The following STRIP2 variants were observed in gnomAD, a reference collection of about 807,000 sequenced individuals.
STRIP2 encodes striatin-interacting protein 2.
A neutral mutation model predicts 107.1 loss-of-function variants in STRIP2; 84 were observed. That is an observed-to-expected ratio of 0.78 (90% CI 0.66 to 0.94). STRIP2 has a LOEUF of 0.94. Ranked by LOEUF, STRIP2 falls within the 40% of genes least tolerant of loss-of-function variation. The pLI, the probability that STRIP2 is intolerant of heterozygous loss-of-function variation, is 0.00. For missense variants in STRIP2, 888 were observed against 1,034.2 expected, an observed-to-expected ratio of 0.86 and a Z score of 1.94; for synonymous variants, 394 against 400.4, an observed-to-expected ratio of 0.98 and a Z score of 0.19.
chr7:129,454,155 T>G lies in STRIP2; in HGVS notation c.544T>G (p.Cys182Gly), dbSNP rs749690321. ...LHMEIDNSQA[C>G]SSALRKPAVS... Reference sequence around the variant, plus strand: ...CTCCCCTGGCAGCAACAGCCAGGCCTGTAGCAGTGCCCTTCGGAAACCAGC... The same window carrying G: ...CTCCCCTGGCAGCAACAGCCAGGCCGGTAGCAGTGCCCTTCGGAAACCAGC... Residue 182 changes from cysteine to glycine, a missense_variant, in exon 6 of 21, where the codon TGT (cysteine) becomes GGT (glycine). Transcript: ENST00000249344. The G allele has an allele frequency of 6.2e-7, 1 of 1,614,154 alleles. No individual in the cohort carries two copies. Among genetic ancestry groups the G allele is most frequent in the South Asian group, 1.1e-5 (1 of 91,088 alleles).
At chr7:129,479,960 A>T (rs1799076008) in intron 18 of STRIP2, among the ~76,000 whole-genome samples, 1 of 152,098 alleles carries the variant, frequency 6.6e-6, no homozygotes, top group Non-Finnish European at 1.5e-5. Flanking sequence ...TTTTCCATTC[A>T]CCAGACAGCA....
intron 5 of STRIP2, 114 bp downstream of exon 5, chr7:129,453,461 T>C: frequency 7.5e-7 from 1 of 1,335,588 alleles, no homozygotes. Flanking sequence ...CTGGGTCTAC[T>C]CACACCTCAG....
intron 2 of STRIP2, among the ~76,000 whole-genome samples, chr7:129,440,681 A>C (rs898610395): frequency 8.6e-5 from 13 of 152,002 alleles, no homozygotes; most frequent in Non-Finnish European, 2.9e-5. Flanking sequence ...AAGTAATTCC[A>C]TTCTTCTTTC....
rs557002792 is a variant in STRIP2 at position 129,438,663 on chromosome 7, C to T, written c.130-1359C>T. Among the ~76,000 whole-genome samples, 3 of 152,292 alleles carry T rather than the reference C, an allele frequency of 2.0e-5. No individual in the cohort carries two copies. In the South Asian group the frequency reaches 6.2e-4, roughly 32 times the overall value. ...TTAGCACAGACCCCCAAGTTAAGGG[C>T]TCAGTCCTACAAGGCCCTACGTTAG... is the stretch of plus-strand genomic sequence containing the variant. On this transcript the variant is annotated intron_variant, in intron 1 of 20. Coordinates refer to ENST00000249344, the MANE Select transcript of STRIP2 (RefSeq NM_020704.3).
At chr7:129,435,356 G>A (rs1797706528) in intron 1 of STRIP2, among the ~76,000 whole-genome samples, 1 of 152,212 alleles carries the variant, frequency 6.6e-6, no homozygotes, top group Non-Finnish European at 1.5e-5. Flanking sequence ...CCCTCATTGA[G>A]GCAGTTCCCA....
chr7:129,460,434 C>T (rs770239431), intron 13 of STRIP2, 62 bp downstream of exon 13: 29 of 1,402,400 alleles, frequency 2.1e-5, no homozygotes, highest in Non-Finnish European at 2.8e-5. Flanking sequence ...AGTGTTGTCA[C>T]AGAGCATGTG....
At chr7:129,474,326 A>T (rs544846223) in intron 18 of STRIP2, among the ~76,000 whole-genome samples, 21 of 152,040 alleles carry the variant, frequency 1.4e-4, no homozygotes, top group African/African-American at 2.7e-4. Context: ...TTAAAAAAAA[A>T]TTTTTTTAGA....
chr7:129,471,800 T>C (rs903384587), intron 18 of STRIP2, among the ~76,000 whole-genome samples: 1 of 152,158 alleles, frequency 6.6e-6, no homozygotes, highest in African/African-American at 2.4e-5. Context: ...AAAAGACCCA[T>C]GTCCTGAGAC....
intron 13 of STRIP2, chr7:129,460,586 C>A (rs1798505453): frequency 5.5e-6 from 3 of 548,556 alleles, no homozygotes; most frequent in East Asian, 3.1e-5. Flanking sequence ...ATGGTAAATA[C>A]AATGAAGAAA....
chr7:129,454,913 TA>T (rs1317144383), intron 7 of STRIP2, among the ~76,000 whole-genome samples: 1 of 152,260 alleles, frequency 6.6e-6, no homozygotes, highest in Non-Finnish European at 1.5e-5. Context: ...TATGGGATTT[TA>T]AAAATATATT....
At chr7:129,477,634 C>T (rs151173476) in intron 18 of STRIP2, among the ~76,000 whole-genome samples, 100 of 152,290 alleles carry the variant, frequency 6.6e-4, no homozygotes, top group Admixed American at 1.2e-3. Flanking sequence ...AACCATTACT[C>T]TCTTTTAAGC....
intron 18 of STRIP2, among the ~76,000 whole-genome samples, chr7:129,475,583 T>TA (rs2151014928): frequency 6.9e-6 from 1 of 144,954 alleles, no homozygotes; most frequent in Non-Finnish European, 1.5e-5. Flanking sequence ...TATTTTTTTT[T>TA]ATTGATCATT....
intron 3 of STRIP2, among the ~76,000 whole-genome samples, chr7:129,448,406 A>G (rs1402726048): frequency 1.3e-5 from 2 of 152,064 alleles, no homozygotes; most frequent in African/African-American, 4.8e-5. Flanking sequence ...TCACTGCATA[A>G]ATTGTTGGTA....
chr7:129,484,098 G>A (rs981938925), intron 20 of STRIP2, among the ~76,000 whole-genome samples: 2 of 152,098 alleles, frequency 1.3e-5, no homozygotes, highest in Admixed American at 6.6e-5. Flanking sequence ...GAAGAACTAG[G>A]CCAGTTGTCC....
Position 129,460,434 on chromosome 7 carries a change from C to G in STRIP2, c.1476+62C>G, listed in dbSNP as rs770239431. On this transcript the variant is annotated intron_variant, in intron 13 of 20. Transcript: ENST00000249344. ...AGAAAACCTGTCTTCAGTGTTGTCACAGAGCATGTGTGCATGCATTCATTC... is the reference window on the plus strand; with the variant it reads ...AGAAAACCTGTCTTCAGTGTTGTCAGAGAGCATGTGTGCATGCATTCATTC... The G allele has an allele frequency of 2.9e-6, 4 of 1,402,400 alleles. No individual in the cohort carries two copies. The African/African-American group carries it at 5.7e-5, about 20-fold the overall frequency. 86.9% of individuals were successfully genotyped at this position (1,402,400 alleles called of 1,614,324 possible). A position where few individuals can be genotyped will look rare whatever the true frequency, so the allele number is the denominator to read the frequency against.
chr7:129,474,530 CTT>C (rs200851618), intron 18 of STRIP2, among the ~76,000 whole-genome samples: 2 of 150,960 alleles, frequency 1.3e-5, no homozygotes, highest in African/African-American at 4.9e-5. Context: ...CTGAAGTAGT[CTT>C]TTTTTTTGAG....
In STRIP2 at chr7:129,454,433, T is replaced by C. The variant is rs1293042059; in HGVS notation, c.612T>C (p.Ser204=). The C allele has an allele frequency of 6.2e-7, 1 of 1,613,290 alleles. No individual in the cohort carries two copies. The highest frequency in any genetic ancestry group is 1.1e-5 in the South Asian group (1 of 91,056). The change falls in exon 7 of 21, where the codon AGT becomes AGC. Residue 204 remains serine, a synonymous_variant. Transcript: ENST00000249344. ...ADSTELRVLL[S]VMYLMVENIR... ...TCTGTAACCCCAGGGTGCTGCTGAG[T>C]GTTATGTACCTAATGGTGGAAAATA...
In STRIP2 at chr7:129,480,794, G is replaced by A; in HGVS notation, c.1954G>A (p.Asp652Asn). 3.1e-6 allele frequency: 5 copies of A among 1,613,384 alleles called. No homozygotes were observed. Among genetic ancestry groups the A allele is most frequent in the Non-Finnish European group, 4.2e-6 (5 of 1,179,702 alleles). ...ELTTESLEAGDNSQFCWRNLF... is the reference protein window; with the variant it reads ...ELTTESLEAGNNSQFCWRNLF... ...ATGTTCCCTACTATAGGAAGCTGGAGACAACAGCCAGTTCTGCTGGAGGAA... is the reference window on the plus strand; with the variant it reads ...ATGTTCCCTACTATAGGAAGCTGGAAACAACAGCCAGTTCTGCTGGAGGAA... The change falls in exon 19 of 21, where the codon GAC becomes AAC. Residue 652 changes from aspartate (D) to asparagine (N), a missense_variant. Physicochemically the swap from Asp to Asn is conservative, Grantham distance 23. Coordinates refer to ENST00000249344, the MANE Select transcript of STRIP2 (RefSeq NM_020704.3).
At chr7:129,462,277 G>A (rs983544472) in intron 13 of STRIP2, among the ~76,000 whole-genome samples, 1 of 152,170 alleles carries the variant, frequency 6.6e-6, no homozygotes, top group African/African-American at 2.4e-5. Flanking sequence ...AGAGGGAGGC[G>A]GGTTATTCTT....
Sources: allele counts gnomAD v4.1 joint callset (sites outside exome capture counted in the v4.1 genomes callset), GRCh38; gene constraint gnomAD v4.1.1; transcripts MANE v1.5; gene names NCBI Gene and HGNC (gene_info 2026-07-23, HGNC 2026-07-21).